The following TRIM42 variants were observed in gnomAD, a reference collection of about 807,000 sequenced individuals.
The protein encoded by TRIM42 is tripartite motif-containing protein 42.
In TRIM42, 59 loss-of-function variants were observed where a neutral mutation model predicts 64.9. The observed-to-expected ratio is 0.91, with a 90% CI of 0.74 to 1.13. The LOEUF is 1.13. Among genes scored for constraint, TRIM42 ranks in the 50% most tolerant of loss-of-function variants. The pLI, the probability that TRIM42 is intolerant of heterozygous loss-of-function variation, is 0.00. For missense variants in TRIM42, 878 were observed against 929.5 expected, an observed-to-expected ratio of 0.94 and a Z score of 0.72; for synonymous variants, 354 against 346.3, an observed-to-expected ratio of 1.02 and a Z score of -0.25.
intron 1 of TRIM42, chr3:140,680,653 C>T: frequency 1.0e-6 from 1 of 985,124 alleles, no homozygotes; most frequent in Non-Finnish European, 1.2e-6. Context: ...TTAACCTGTA[C>T]CACCAGGTGA....
chr3:140,680,747 C>G (rs1463113772), intron 1 of TRIM42: 2 of 982,462 alleles, frequency 2.0e-6, no homozygotes, highest in African/African-American at 3.5e-5. Context: ...CTAGAGCTCC[C>G]AGATCCCTAA....
chr3:140,690,159 GT>G (rs1435148041), intron 3 of TRIM42, among the ~76,000 whole-genome samples: 14 of 152,254 alleles, frequency 9.2e-5, no homozygotes, highest in African/African-American at 3.1e-4. Context: ...AGAAGATTAA[GT>G]TTATGTTAAC....
chr3:140,690,852 G>C, intron 3 of TRIM42, 116 bp from the exon 4 acceptor site: 1 of 768,322 alleles, frequency 1.3e-6, no homozygotes, highest in Non-Finnish European at 2.2e-6. Context: ...GGTAGCTACA[G>C]GGGATGGGGT....
At chr3:140,685,406 G>A (rs1417751111) in intron 2 of TRIM42, among the ~76,000 whole-genome samples, 1 of 152,166 alleles carries the variant, frequency 6.6e-6, no homozygotes, top group African/African-American at 2.4e-5. Flanking sequence ...AATAAAGGGA[G>A]CTCAAAAGTT....
Position 140,680,225 on chromosome 3 carries a change from G to A in TRIM42, c.341+1655G>A, listed in dbSNP as rs150529530. Among the ~76,000 whole-genome samples, 121 of 152,224 alleles carry A rather than the reference G, an allele frequency of 7.9e-4. 1 individual carries two copies. In the East Asian group the frequency reaches 0.023, roughly 29 times the overall value. ...AGGATGGGCAGGGATGCTACCACAAGTGTTAGGAGGTCGGCTCTGGGTGCT... is the reference window on the plus strand; with the variant it reads ...AGGATGGGCAGGGATGCTACCACAAATGTTAGGAGGTCGGCTCTGGGTGCT... On this transcript the variant is annotated intron_variant, in intron 1 of 4. Transcript: ENST00000286349.
chr3:140,686,784 T>C (rs1295758053), intron 2 of TRIM42, among the ~76,000 whole-genome samples: 1 of 152,212 alleles, frequency 6.6e-6, no homozygotes, highest in Non-Finnish European at 1.5e-5. Context: ...GGTGACATTC[T>C]TCAAATTGCT....
intron 3 of TRIM42, among the ~76,000 whole-genome samples, chr3:140,690,531 GTATA>G (rs56969249): frequency 1.5e-3 from 159 of 103,992 alleles, no homozygotes; most frequent in African/African-American, 2.6e-3. Context: ...AAGTTTTTAT[GTATA>G]TATATATATA....
chr3:140,691,222 T>A (rs781734957), intron 4 of TRIM42, 30 bp downstream of exon 4: 1 of 1,599,772 alleles, frequency 6.3e-7, no homozygotes, highest in South Asian at 1.1e-5. Context: ...TCAGACAGAT[T>A]TTTTTTTCTA....
chr3:140,687,891 G>A lies in TRIM42; in HGVS notation c.1209G>A (p.Val403=), dbSNP rs1429533764. Residue 403 remains valine (V), a synonymous_variant, in exon 3 of 5, where the codon GTG becomes GTA. Transcript: ENST00000286349. ...TGGAGCAGATAGAGAATCTAGAAGTGTCCAGGCAGAAGGAAATTGAAAAAT... is the reference window on the plus strand; with the variant it reads ...TGGAGCAGATAGAGAATCTAGAAGTATCCAGGCAGAAGGAAATTGAAAAAT... ...IIMEQIENLE[V]SRQKEIEKYV... 8 of 1,614,082 alleles carry A rather than the reference G, an allele frequency of 5.0e-6. No homozygotes were observed. Among genetic ancestry groups the A allele is most frequent in the African/African-American group, 2.7e-5 (2 of 74,922 alleles).
chr3:140,686,057 C>T (rs543450516), intron 2 of TRIM42, among the ~76,000 whole-genome samples: 4 of 152,240 alleles, frequency 2.6e-5, no homozygotes, highest in African/African-American at 9.6e-5. Context: ...TTGTGGCTTC[C>T]TCTGTCTTTT....
intron 2 of TRIM42, among the ~76,000 whole-genome samples, chr3:140,684,565 T>C (rs373532570): frequency 6.6e-6 from 1 of 152,310 alleles, no homozygotes; most frequent in East Asian, 1.9e-4. Flanking sequence ...GAAACAGGCT[T>C]TGCTAATGAC....
chr3:140,695,463 G>C (rs1333227293), intron 4 of TRIM42, among the ~76,000 whole-genome samples: 1 of 152,056 alleles, frequency 6.6e-6, no homozygotes, highest in Non-Finnish European at 1.5e-5. Flanking sequence ...AATTTTCTGG[G>C]TCTTTCCCTG....
At chr3:140,684,514 G>A (rs1246028800) in intron 2 of TRIM42, among the ~76,000 whole-genome samples, 2 of 152,158 alleles carry the variant, frequency 1.3e-5, no homozygotes, top group Non-Finnish European at 2.9e-5. Flanking sequence ...GCTTTTCCTT[G>A]ACCTGCACAG....
intron 1 of TRIM42, among the ~76,000 whole-genome samples, chr3:140,681,686 G>A (rs1360287726): frequency 6.6e-6 from 1 of 151,998 alleles, no homozygotes; most frequent in Non-Finnish European, 1.5e-5. Flanking sequence ...AGTTGGACAA[G>A]ATTGAATTTA....
chr3:140,685,052 G>T (rs983462052), intron 2 of TRIM42, among the ~76,000 whole-genome samples: 1 of 152,230 alleles, frequency 6.6e-6, no homozygotes, highest in Non-Finnish European at 1.5e-5. Context: ...TGGTAAATTA[G>T]ATATTAGCTG....
At position 140,678,468 on chromosome 3, in the gene TRIM42, G is replaced by C; in HGVS notation, c.239G>C (p.Cys80Ser). The C allele has an allele frequency of 6.2e-7, 1 of 1,614,146 alleles. No individual in the cohort carries two copies. Among genetic ancestry groups the C allele is most frequent in the Non-Finnish European group, 8.5e-7 (1 of 1,180,020 alleles). ...WANDPNCKCC[C>S]TASSNLNCYY... ...AATGATCCCAACTGTAAGTGCTGCT[G>C]CACAGCCAGCAGCAATCTCAACTGC... Residue 80 changes from cysteine to serine, a missense_variant, in exon 1 of 5, where the codon TGC becomes TCC. Transcript: ENST00000286349.
In TRIM42 at chr3:140,682,489, C is replaced by T. The variant is rs1559935333; in HGVS notation, c.369C>T (p.Ser123=). ...TSSKTALRTG[S]SDTQVDEVKS... is the part of the protein sequence containing the mutation. The stretch of plus-strand genomic sequence containing the variant: ...CCAAGACTGCCCTGCGCACTGGGAG[C>T]AGCGATACCCAGGTGGATGAAGTAA... The change falls in exon 2 of 5, where the codon AGC becomes AGT. Residue 123 remains serine (S), a synonymous_variant. Coordinates refer to ENST00000286349, the MANE Select transcript of TRIM42 (RefSeq NM_152616.5). 1 of 1,614,056 alleles carries T rather than the reference C, an allele frequency of 6.2e-7. No homozygotes were observed.
chr3:140,688,651 C>A (rs1988629387), intron 3 of TRIM42, 109 bp downstream of exon 3: 3 of 825,362 alleles, frequency 3.6e-6, no homozygotes, highest in African/African-American at 3.4e-5. Flanking sequence ...AGGATCTGGT[C>A]ACTCATATCT....
intron 2 of TRIM42, among the ~76,000 whole-genome samples, chr3:140,687,306 G>A (rs915813905): frequency 1.3e-5 from 2 of 152,206 alleles, no homozygotes; most frequent in Non-Finnish European, 2.9e-5. Flanking sequence ...CAGAAACTTA[G>A]TTCTTCCTCT....
Sources: allele counts gnomAD v4.1 joint callset (sites outside exome capture counted in the v4.1 genomes callset), GRCh38; gene constraint gnomAD v4.1.1; transcripts MANE v1.5; gene names NCBI Gene and HGNC (gene_info 2026-07-23, HGNC 2026-07-21).